Variants in ZFHX3 observed in about 807,000 individuals in gnomAD.
The protein encoded by ZFHX3 is zinc finger homeobox protein 3.
ZFHX3 carries 42 observed loss-of-function variants against 279.1 expected under a neutral mutation model. The observed-to-expected ratio is 0.15, with a 90% CI of 0.12 to 0.19. The LOEUF is 0.19. ZFHX3 is among the 10% of genes least tolerant of loss of function. The probability of loss-of-function intolerance (pLI) is 1.00; values close to 1 mark genes in which losing one functional copy is unlikely to be tolerated. For missense variants in ZFHX3, 4,981 were observed against 4,754.0 expected (o/e 1.05, Z -1.40); for synonymous variants, 2,293 against 1,957.8 (o/e 1.17, Z -4.52).
intron 5 of ZFHX3, among the ~76,000 whole-genome samples, chr16:73,204,409 T>C (rs927278943): frequency 6.6e-6 from 1 of 152,148 alleles, no homozygotes; most frequent in Non-Finnish European, 1.5e-5. Context: ...TGACAGATCA[T>C]CAGGCATTAG....
chr16:73,015,118 C>T (rs1217107726), intron 1 of ZFHX3: 2 of 139,398 alleles, frequency 1.4e-5, no homozygotes, highest in Non-Finnish European at 3.1e-5. Context: ...GCAATCTCAA[C>T]TCACTGTACC....
intron 3 of ZFHX3, among the ~76,000 whole-genome samples, chr16:73,332,328 C>T (rs1305351928): frequency 6.6e-6 from 1 of 152,154 alleles, no homozygotes; most frequent in Non-Finnish European, 1.5e-5. Context: ...AAGAACCTAA[C>T]CTGTGTTTGT....
chr16:73,350,542 A>T (rs1942785270), intron 3 of ZFHX3, among the ~76,000 whole-genome samples: 1 of 152,194 alleles, frequency 6.6e-6, no homozygotes, highest in Non-Finnish European at 1.5e-5. Context: ...TGGACACCCT[A>T]CACAACTTCA....
chr16:72,910,714 T>A (rs185654444), intron 3 of ZFHX3, among the ~76,000 whole-genome samples: 135 of 152,318 alleles, frequency 8.9e-4, no homozygotes, highest in Middle Eastern at 6.8e-3. Context: ...CGGGAGTTTT[T>A]AAAAATGCTT....
chr16:73,744,683 G>A (rs184133216), intron 1 of ZFHX3, among the ~76,000 whole-genome samples: 4 of 152,204 alleles, frequency 2.6e-5, no homozygotes, highest in East Asian at 3.9e-4. Context: ...GATGACTTCC[G>A]TGTCTCATTA....
intron 1 of ZFHX3, among the ~76,000 whole-genome samples, chr16:73,031,875 A>G (rs2144677808): frequency 6.6e-6 from 1 of 152,094 alleles, no homozygotes; most frequent in Non-Finnish European, 1.5e-5. Context: ...AGGGGGGTGA[A>G]GGCACTGAGA....
intron 3 of ZFHX3, among the ~76,000 whole-genome samples, chr16:73,366,456 G>T (rs2016530031): frequency 1.3e-5 from 2 of 152,196 alleles, no homozygotes; most frequent in South Asian, 4.2e-4. Flanking sequence ...CAGGGGCTGG[G>T]CATGGTGGTT....
intron 2 of ZFHX3, among the ~76,000 whole-genome samples, chr16:73,530,138 C>T (rs138322510): frequency 3.9e-5 from 6 of 152,158 alleles, no homozygotes; most frequent in African/African-American, 1.2e-4. Flanking sequence ...TGGTGGAAGG[C>T]AAAAGTCACG....
chr16:73,849,337 C>T (rs995028173), intron 1 of ZFHX3, among the ~76,000 whole-genome samples: 1 of 152,218 alleles, frequency 6.6e-6, no homozygotes, highest in Non-Finnish European at 1.5e-5. Context: ...CTTTATTGCA[C>T]TTCACTTCAT....
At chr16:72,905,006 A>AT (rs1298730877) in intron 3 of ZFHX3, among the ~76,000 whole-genome samples, 2 of 151,854 alleles carry the variant, frequency 1.3e-5, no homozygotes, top group Admixed American at 1.3e-4. Context: ...TAATTTTTGT[A>AT]TTTTTGCATT....
At chr16:73,536,295 TA>T (rs2019900640) in intron 2 of ZFHX3, among the ~76,000 whole-genome samples, 1 of 152,164 alleles carries the variant, frequency 6.6e-6, no homozygotes, top group Admixed American at 6.5e-5. Flanking sequence ...AATATAATTT[TA>T]AAAAACATTC....
At chr16:73,052,864 C>T (rs897675206), upstream of ZFHX3, among the ~76,000 whole-genome samples, 4 of 152,198 alleles carry the variant, frequency 2.6e-5, no homozygotes, top group Non-Finnish European at 4.4e-5. Context: ...TCCTTCCCTG[C>T]TGCCTTTGGT....
At chr16:73,019,138 C>T (rs1282503814) in intron 1 of ZFHX3, among the ~76,000 whole-genome samples, 1 of 152,194 alleles carries the variant, frequency 6.6e-6, no homozygotes, top group African/African-American at 2.4e-5. Context: ...CCACTTGTGA[C>T]TTTCAAAAGC....
At chr16:72,800,783 G>A (rs1368766145) in intron 7 of ZFHX3, among the ~76,000 whole-genome samples, 1 of 152,138 alleles carries the variant, frequency 6.6e-6, no homozygotes, top group Non-Finnish European at 1.5e-5. Flanking sequence ...TGGAGTCTCT[G>A]CCCAAGGTAT....
chr16:73,164,775 C>A (rs966795735), intron 5 of ZFHX3, among the ~76,000 whole-genome samples: 76 of 151,666 alleles, frequency 5.0e-4, no homozygotes, highest in African/African-American at 1.8e-3. Flanking sequence ...GAAGGCTTTG[C>A]CATGGACCAA....
intron 1 of ZFHX3, among the ~76,000 whole-genome samples, chr16:72,983,463 T>A (rs546600561): frequency 7.8e-4 from 118 of 152,154 alleles, no homozygotes; most frequent in Non-Finnish European, 1.4e-3. Flanking sequence ...TCCTAGCATT[T>A]TGGGAGGCCG....
intron 4 of ZFHX3, among the ~76,000 whole-genome samples, chr16:72,871,222 T>A (rs1173314709): frequency 6.6e-6 from 1 of 152,212 alleles, no homozygotes; most frequent in Non-Finnish European, 1.5e-5. Context: ...GACGCCCAGG[T>A]TGGAGTGCAA....
chr16:72,889,525 A>G (rs1012941395), intron 4 of ZFHX3, among the ~76,000 whole-genome samples: 2 of 151,974 alleles, frequency 1.3e-5, no homozygotes, highest in Non-Finnish European at 2.9e-5. Context: ...GAAGAAAGAA[A>G]AGAAAAGAAA....
intron 1 of ZFHX3, among the ~76,000 whole-genome samples, chr16:73,019,449 A>G (rs1964224021): frequency 6.6e-6 from 1 of 152,066 alleles, no homozygotes; most frequent in Non-Finnish European, 1.5e-5. Context: ...CCTTCCACCA[A>G]GTGTGAACAC....
Sources: gnomAD v4.1 joint callset for allele counts (sites outside exome capture counted in the v4.1 genomes callset) on GRCh38, gnomAD v4.1.1 for gene constraint, MANE v1.5 for transcripts, NCBI Gene and HGNC (gene_info 2026-07-23, HGNC 2026-07-21) for gene names.